CMTM4: variants seen among roughly 807,000 people sequenced by gnomAD.
CMTM4 encodes CKLF-like MARVEL transmembrane domain-containing protein 4.
In CMTM4, 8 loss-of-function variants were observed where a neutral mutation model predicts 19.0. The observed-to-expected ratio is 0.42, with a 90% CI of 0.25 to 0.76. The LOEUF (loss-of-function observed/expected upper bound fraction) is 0.76, where lower values mean the gene tolerates loss of function less well. Ranked by LOEUF, CMTM4 falls within the 30% of genes least tolerant of loss-of-function variation. The pLI, the probability that CMTM4 is intolerant of heterozygous loss-of-function variation, is 0.27. For missense variants in CMTM4, 228 were observed against 290.2 expected (o/e 0.79, Z 1.56); for synonymous variants, 106 against 121.1 (o/e 0.88, Z 0.82).
chr16:66,683,573 C>G (rs2016981133), intron 1 of CMTM4, among the ~76,000 whole-genome samples: 1 of 151,640 alleles, frequency 6.6e-6, no homozygotes, highest in Non-Finnish European at 1.5e-5. Context: ...GCTACCACGC[C>G]CGGCCCATTT....
At chr16:66,638,717 G>C in intron 1 of CMTM4, among the ~76,000 whole-genome samples, 1 of 152,064 alleles carries the variant, frequency 6.6e-6, no homozygotes, top group Admixed American at 6.6e-5. Context: ...AAATTAGATG[G>C]ACATGGTGGT....
At position 66,620,965 on chromosome 16, in the gene CMTM4, T is replaced by A. The variant is rs1158342950; in HGVS notation, c.*1093A>T. 1 of 985,762 alleles carries A rather than the reference T, an allele frequency of 1.0e-6. No homozygotes were observed. The highest frequency in any genetic ancestry group is 1.1e-4 in the East Asian group (1 of 8,826). 61.1% of individuals were successfully genotyped at this position (985,762 alleles called of 1,614,324 possible). A position where few individuals can be genotyped will look rare whatever the true frequency, so the allele number is the denominator to read the frequency against. On this transcript the variant is annotated 3_prime_UTR_variant, in exon 4 of 4. Transcript: ENST00000394106. ...TCCCCCCAACAACTCCCAAGAATGA[T>A]GTCTACAGTTATGACACTGAGGCGC...
chr16:66,625,607 T>C, intron 2 of CMTM4, among the ~76,000 whole-genome samples: 1 of 149,386 alleles, frequency 6.7e-6, no homozygotes, highest in African/African-American at 2.6e-5. Context: ...AAAGCCTATT[T>C]TAAAAAGATA....
chr16:66,672,927 T>TC (rs2016737918), intron 1 of CMTM4, among the ~76,000 whole-genome samples: 1 of 143,120 alleles, frequency 7.0e-6, no homozygotes, highest in East Asian at 2.1e-4. Context: ...CGCCTGGCTT[T>TC]TTTTTTTTTT....
intron 1 of CMTM4, among the ~76,000 whole-genome samples, chr16:66,638,914 C>T (rs1170533294): frequency 7.0e-6 from 1 of 142,396 alleles, no homozygotes; most frequent in East Asian, 2.5e-4. Context: ...TAAATGTTCT[C>T]ACCACAAAAA....
intron 1 of CMTM4, among the ~76,000 whole-genome samples, chr16:66,650,980 C>T (rs567157353): frequency 2.6e-5 from 4 of 152,178 alleles, no homozygotes; most frequent in Admixed American, 6.5e-5. Context: ...CCAGCACATT[C>T]GAAATTCAAA....
At chr16:66,682,198 G>T (rs551400687) in intron 1 of CMTM4, among the ~76,000 whole-genome samples, 20 of 152,232 alleles carry the variant, frequency 1.3e-4, no homozygotes, top group Non-Finnish European at 2.6e-4. Context: ...TTTAAAAAGG[G>T]GTGAATGATA....
In CMTM4 at chr16:66,615,758, C is replaced by G. The variant is rs779732240; in HGVS notation, c.*6300G>C. The G allele has an allele frequency of 2.6e-5, 4 of 152,250 alleles. No homozygotes were observed. The highest frequency in any genetic ancestry group is 5.9e-5 in the Non-Finnish European group (4 of 68,078). The allele number at this position is 152,250 out of a possible 1,614,324, so 9.4% of individuals were successfully genotyped here. On this transcript the variant is annotated 3_prime_UTR_variant, in exon 4 of 4. Transcript: ENST00000394106. The surrounding 1 kb of genome is among the most constrained non-coding windows in gnomAD (Gnocchi z 4.9). ...AAACCACAGGGGAAGGAGCCGGACA[C>G]CGGCCTCTCACCATTTTACACCCAA... is the stretch of plus-strand genomic sequence containing the variant.
rs1419365417 is a variant in CMTM4, at chr16:66,694,073, C to T, written c.186+2267G>A. ...AGAAGAAAGAGAGAGGGAGAGAGCG[C>T]GAGGGAGAGAAAGAGAAAAGAGAAA... On this transcript the variant is annotated intron_variant, in intron 1 of 3. Transcript: ENST00000394106. Among the ~76,000 whole-genome samples, 7 of 149,318 alleles carry T rather than the reference C, an allele frequency of 4.7e-5. No individual in the cohort carries two copies. In the South Asian group the frequency reaches 1.3e-3, roughly 27 times the overall value.
At chr16:66,691,396 A>C (rs2017131977) in intron 1 of CMTM4, among the ~76,000 whole-genome samples, 1 of 152,206 alleles carries the variant, frequency 6.6e-6, no homozygotes, top group Non-Finnish European at 1.5e-5. Context: ...AGATACGTAC[A>C]GGTTTCATTT....
intron 1 of CMTM4, among the ~76,000 whole-genome samples, chr16:66,671,144 GCT>G (rs2016699030): frequency 6.6e-6 from 1 of 152,170 alleles, no homozygotes; most frequent in African/African-American, 2.4e-5. Context: ...TTGACTGTAA[GCT>G]CCTTGACGTA....
At position 66,617,476 on chromosome 16, in the gene CMTM4, T is replaced by C; in HGVS notation, c.*4582A>G. 4 of 1,449,944 alleles carry C rather than the reference T, an allele frequency of 2.8e-6. 1 individual carries two copies. The highest frequency in any genetic ancestry group is 3.6e-6 in the Non-Finnish European group (4 of 1,105,136). The allele number at this position is 1,449,944 out of a possible 1,614,324, so 89.8% of individuals were successfully genotyped here. ...ACCCACTCCGCTTCAAGCTAAAGAG[T>C]GTACAAAATGCCACTCACTTGCATG... On this transcript the variant is annotated 3_prime_UTR_variant, in exon 4 of 4. Coordinates refer to ENST00000394106, the MANE Select transcript of CMTM4 (RefSeq NM_181521.3).
At chr16:66,642,325 T>C (rs1217539525) in intron 1 of CMTM4, among the ~76,000 whole-genome samples, 1 of 152,238 alleles carries the variant, frequency 6.6e-6, no homozygotes, top group Non-Finnish European at 1.5e-5. Flanking sequence ...GAAAAAACTT[T>C]TTTGTTTACT....
chr16:66,652,898 CA>C (rs34785680), intron 1 of CMTM4, among the ~76,000 whole-genome samples: 2 of 152,294 alleles, frequency 1.3e-5, no homozygotes, highest in East Asian at 3.9e-4. Context: ...CTACCCTGCT[CA>C]AAAAGTCAAA....
At position 66,617,818 on chromosome 16, in the gene CMTM4, C is replaced by T; in HGVS notation, c.*4240G>A. 1.0e-6 allele frequency: 1 copy of T among 993,546 alleles called. No individual in the cohort carries two copies. Among genetic ancestry groups the T allele is most frequent in the Non-Finnish European group, 1.2e-6 (1 of 835,316 alleles). 61.5% of individuals were successfully genotyped at this position (993,546 alleles called of 1,614,324 possible). A position where few individuals can be genotyped will look rare whatever the true frequency, so the allele number is the denominator to read the frequency against. On this transcript the variant is annotated 3_prime_UTR_variant, in exon 4 of 4. Coordinates refer to ENST00000394106, the MANE Select transcript of CMTM4 (RefSeq NM_181521.3). ...ACCCACATGTTCCTGAGCCAGATGC[C>T]AGGAGCTCACCCACAGGACGGGAAA...
chr16:66,620,658 A>G lies in CMTM4; in HGVS notation c.*1400T>C. On this transcript the variant is annotated 3_prime_UTR_variant, in exon 4 of 4. Coordinates refer to ENST00000394106, the MANE Select transcript of CMTM4 (RefSeq NM_181521.3). ...CATTTGTCAGCACTTGATCTTGGGG[A>G]TTTCTCCATGTTACTGCAAAATCTT... is the stretch of plus-strand genomic sequence containing the variant. 1 of 985,478 alleles carries G rather than the reference A, an allele frequency of 1.0e-6. No homozygotes were observed. 61.0% of individuals were successfully genotyped at this position (985,478 alleles called of 1,614,324 possible).
downstream of CMTM4, chr16:66,612,708 C>A: frequency 6.7e-7 from 1 of 1,497,902 alleles, no homozygotes; most frequent in Non-Finnish European, 9.3e-7. The surrounding 1 kb of genome is among the most constrained non-coding windows in gnomAD (Gnocchi z 6.0). Context: ...GGGTCGCTGG[C>A]GTTGGAGCGG....
chr16:66,606,210 C>T, the CMTM4 span, among the ~76,000 whole-genome samples: 1 of 152,084 alleles, frequency 6.6e-6, no homozygotes, highest in East Asian at 1.9e-4. Flanking sequence ...TCCCCTCACT[C>T]CCACCCCCAG....
rs903192982 is a variant in CMTM4, at chr16:66,696,596, C to A, written c.-71G>T. 2.2e-5 allele frequency: 20 copies of A among 915,434 alleles called. No individual in the cohort carries two copies. The highest frequency in any genetic ancestry group is 2.5e-5 in the Non-Finnish European group (19 of 762,298). 56.7% of individuals were successfully genotyped at this position (915,434 alleles called of 1,614,324 possible). A position where few individuals can be genotyped will look rare whatever the true frequency, so the allele number is the denominator to read the frequency against. On this transcript the variant is annotated 5_prime_UTR_variant, in exon 1 of 4. Coordinates refer to ENST00000394106, the MANE Select transcript of CMTM4 (RefSeq NM_181521.3). This position sits in a 1 kb window ranked among gnomAD's most constrained non-coding sequence, Gnocchi z 4.3. ...CAGGAGCGGGCGGACTCAGCGGGGC[C>A]GCCGCATCGCCGCCGCCGCCGCCGC...
Sources: allele counts gnomAD v4.1 joint callset (sites outside exome capture counted in the v4.1 genomes callset), GRCh38; gene constraint gnomAD v4.1.1; non-coding constraint Gnocchi (gnomAD v3.1); transcripts MANE v1.5; gene names NCBI Gene and HGNC (gene_info 2026-07-23, HGNC 2026-07-21).